Variants in ZFX observed in about 807,000 individuals in gnomAD.
ZFX encodes zinc finger X-chromosomal protein.
For synonymous variants in ZFX, 196 were observed against 226.8 expected (o/e 0.86, Z 1.22); for missense variants, 362 against 628.3 (o/e 0.58, Z 4.53).
At chrX:24,194,170 G>T (rs1936736938) in intron 5 of ZFX, among the ~76,000 whole-genome samples, 1 of 111,358 alleles carries the variant, frequency 9.0e-6, no homozygotes, top group Non-Finnish European at 1.9e-5. Flanking sequence ...GGCTAAATAG[G>T]ATTCCATTGT....
intron 7 of ZFX, 131 bp downstream of exon 7, chrX:24,207,986 CTT>C: frequency 8.7e-6 from 8 of 922,670 alleles, no homozygotes; most frequent in African/African-American, 2.0e-5. Flanking sequence ...ATCTTTGACT[CTT>C]TTATATATGC....
In ZFX at chrX:24,212,244, C is replaced by T. The variant is rs748449176; in HGVS notation, c.*868C>T. On this transcript the variant is annotated 3_prime_UTR_variant, in exon 10 of 10. Coordinates refer to ENST00000304543, the MANE Select transcript of ZFX (RefSeq NM_003410.4). ...AAATGTACCCTGAATTATATATATACACATATATATCATGTACCTGTGTGT... is the reference window on the plus strand; with the variant it reads ...AAATGTACCCTGAATTATATATATATACATATATATCATGTACCTGTGTGT... 2.8e-4 allele frequency: 31 copies of T among 111,592 alleles called. No individual in the cohort carries two copies. Among genetic ancestry groups the T allele is most frequent in the African/African-American group, 9.8e-4 (30 of 30,657 alleles). The allele number at this position is 111,592 out of a possible 1,213,427, so 9.2% of individuals were successfully genotyped here.
chrX:24,175,713 A>G (rs1601862196), intron 4 of ZFX, among the ~76,000 whole-genome samples: 3 of 110,621 alleles, frequency 2.7e-5, no homozygotes. Context: ...CAAGTAGCTG[A>G]GATTACTGGT....
chrX:24,160,285 A>G (rs769354524), intron 3 of ZFX, among the ~76,000 whole-genome samples: 158 of 104,114 alleles, frequency 1.5e-3, no homozygotes, highest in African/African-American at 5.4e-3. Context: ...TGCTATTTAA[A>G]AAAATTGAAA....
chrX:24,181,141 A>G (rs1238516236), intron 5 of ZFX, among the ~76,000 whole-genome samples: 3 of 112,677 alleles, frequency 2.7e-5, no homozygotes, highest in Non-Finnish European at 5.6e-5. Context: ...GTCCACCAGC[A>G]TTTTAGGAAA....
At chrX:24,209,782 T>C (rs1253125749) in intron 9 of ZFX, among the ~76,000 whole-genome samples, 1 of 111,008 alleles carries the variant, frequency 9.0e-6, no homozygotes, top group Admixed American at 9.6e-5. Flanking sequence ...CAGCATGTTA[T>C]GTTGGTCAGG....
intron 4 of ZFX, among the ~76,000 whole-genome samples, chrX:24,178,531 C>T (rs1015212293): frequency 3.6e-5 from 4 of 109,925 alleles, no homozygotes; most frequent in African/African-American, 1.3e-4. Flanking sequence ...CCTGGTCATC[C>T]GCCCGTCTTG....
intron 5 of ZFX, among the ~76,000 whole-genome samples, chrX:24,203,223 A>G (rs1037254548): frequency 8.9e-6 from 1 of 111,901 alleles, no homozygotes; most frequent in Non-Finnish European, 1.9e-5. Context: ...ATAGGCCTCA[A>G]ATCCAGCCCA....
chrX:24,155,293 TTTTTG>T (rs1179386088), intron 3 of ZFX, among the ~76,000 whole-genome samples: 1 of 112,326 alleles, frequency 8.9e-6, no homozygotes, highest in Non-Finnish European at 1.9e-5. Context: ...TAATTTTTGT[TTTTTG>T]TTTTGTTTTT....
intron 3 of ZFX, among the ~76,000 whole-genome samples, chrX:24,154,631 G>A (rs1272689637): frequency 9.0e-6 from 1 of 111,397 alleles, no homozygotes; most frequent in Non-Finnish European, 1.9e-5. Flanking sequence ...ACTGTACAGA[G>A]GCTGCATGAC....
intron 3 of ZFX, among the ~76,000 whole-genome samples, chrX:24,163,023 T>C (rs1933520958): frequency 8.9e-6 from 1 of 111,749 alleles, no homozygotes; most frequent in African/African-American, 3.3e-5. Flanking sequence ...GTATCCTATT[T>C]ATTTAATTTG....
At position 24,152,841 on chromosome X, in the gene ZFX, A is replaced by T. The variant is rs1373721407; in HGVS notation, c.-29+11A>T. 2 of 112,694 alleles carry T rather than the reference A, an allele frequency of 1.8e-5. No homozygotes were observed. The highest frequency in any genetic ancestry group is 3.7e-5 in the Non-Finnish European group (2 of 53,343). 9.3% of individuals were successfully genotyped at this position (112,694 alleles called of 1,213,427 possible). ...GTGTGATTAAGACAGGTAAGTGTGTAGTTTAGTTTCAATTAGAAATGGTTA... is the reference window on the plus strand; with the variant it reads ...GTGTGATTAAGACAGGTAAGTGTGTTGTTTAGTTTCAATTAGAAATGGTTA... On this transcript the variant is annotated intron_variant, in intron 3 of 9. Coordinates refer to ENST00000304543, the MANE Select transcript of ZFX (RefSeq NM_003410.4).
intron 5 of ZFX, among the ~76,000 whole-genome samples, chrX:24,197,916 G>A (rs566003979): frequency 8.9e-5 from 10 of 112,004 alleles, no homozygotes; most frequent in African/African-American, 3.2e-4. Context: ...TTCAGGGACT[G>A]TAGTACCCAT....
chrX:24,179,862 T>C, intron 5 of ZFX, 92 bp downstream of exon 5: 1 of 811,530 alleles, frequency 1.2e-6, no homozygotes, highest in Non-Finnish European at 1.8e-6. Flanking sequence ...GACTTAAATG[T>C]CTGTAAAAGT....
At chrX:24,209,663 C>T (rs1359919173) in intron 9 of ZFX, among the ~76,000 whole-genome samples, 1 of 111,131 alleles carries the variant, frequency 9.0e-6, no homozygotes, top group African/African-American at 3.3e-5. Context: ...GCAACCTCTG[C>T]CCCCTGGGTA....
At chrX:24,161,686 T>C (rs958913478) in intron 3 of ZFX, 2 of 91,338 alleles carry the variant, frequency 2.2e-5, no homozygotes, top group Non-Finnish European at 4.1e-5. Flanking sequence ...TTTTTTCTTT[T>C]TCTTTCTTTT....
intron 5 of ZFX, among the ~76,000 whole-genome samples, chrX:24,186,170 A>G (rs1315912029): frequency 9.0e-6 from 1 of 111,429 alleles, no homozygotes; most frequent in Admixed American, 9.6e-5. Context: ...TCTTTAGGTC[A>G]GAAATGTGGC....
intron 3 of ZFX, among the ~76,000 whole-genome samples, chrX:24,165,080 A>T (rs969718597): frequency 6.3e-5 from 7 of 111,671 alleles, no homozygotes; most frequent in Non-Finnish European, 1.1e-4. Flanking sequence ...GCACTAATTT[A>T]AAAAAACCCC....
chrX:24,189,009 T>A (rs972049967), intron 5 of ZFX, among the ~76,000 whole-genome samples: 1 of 111,280 alleles, frequency 9.0e-6, no homozygotes, highest in African/African-American at 3.3e-5. Context: ...GACTAATTTT[T>A]TGTATTTTTA....
Sources: allele counts gnomAD v4.1 joint callset (sites outside exome capture counted in the v4.1 genomes callset), GRCh38; gene constraint gnomAD v4.1.1; transcripts MANE v1.5; gene names NCBI Gene and HGNC (gene_info 2026-07-23, HGNC 2026-07-21).